Variants in POT1 observed in about 807,000 individuals in gnomAD.
POT1 encodes the protein protection of telomeres 1.
In POT1, 47 loss-of-function variants were observed where a neutral mutation model predicts 78.5. The ratio of observed to expected loss-of-function variants is 0.60; its 90% confidence interval spans 0.47 to 0.76. The LOEUF (loss-of-function observed/expected upper bound fraction) is 0.76, where lower values mean the gene tolerates loss of function less well. Among genes scored for constraint, POT1 ranks in the 30% least tolerant of loss-of-function variants. POT1 has a pLI of 0.00. For missense variants in POT1, 646 were observed against 749.9 expected (o/e 0.86, Z 1.62); for synonymous variants, 259 against 260.7 (o/e 0.99, Z 0.06).
chr7:124,920,675 TA>T (rs753337806), intron 2 of POT1, among the ~76,000 whole-genome samples: 5 of 136,978 alleles, frequency 3.7e-5, no homozygotes, highest in South Asian at 2.4e-4. Context: ...TCTTTTTTTT[TA>T]AAAAAGTGAG....
chr7:124,915,454 G>A (rs1796993780), intron 3 of POT1, 120 bp downstream of exon 3: 1 of 152,042 alleles, frequency 6.6e-6, no homozygotes, highest in South Asian at 2.1e-4. Context: ...CTACTGCAAT[G>A]GTCTAGATAT....
chr7:124,897,647 A>C (rs780315990), intron 4 of POT1, among the ~76,000 whole-genome samples: 1 of 151,792 alleles, frequency 6.6e-6, no homozygotes, highest in Non-Finnish European at 1.5e-5. Context: ...TTCAGTGATC[A>C]CTCTAACTGC....
In POT1 at chr7:124,880,138, G is replaced by C. The variant is rs12540017; in HGVS notation, c.125-9097C>G. Among the ~76,000 whole-genome samples, 1,188 of 152,074 alleles carry C rather than the reference G, an allele frequency of 7.8e-3. 23 individuals are homozygous for C. The highest frequency in any genetic ancestry group is 0.027 in the African/African-American group (1,114 of 41,526). On this transcript the variant is annotated intron_variant, in intron 6 of 18. Transcript: ENST00000357628. ...TGACATAATTAAGCAATTTCACAGT[G>C]AAACAAATGATTGGTTTGCCAATAA...
chr7:124,871,449 C>T (rs1795865675), intron 6 of POT1, among the ~76,000 whole-genome samples: 2 of 151,916 alleles, frequency 1.3e-5, no homozygotes, highest in Non-Finnish European at 2.9e-5. Context: ...GAGTTGCATC[C>T]ATACTGCATA....
chr7:124,906,011 G>A (rs1323751376), intron 3 of POT1, among the ~76,000 whole-genome samples: 1 of 152,160 alleles, frequency 6.6e-6, no homozygotes, highest in East Asian at 1.9e-4. Flanking sequence ...AGGATGTGGA[G>A]AAATAGGAAC....
At chr7:124,869,490 C>T (rs1344916847) in intron 7 of POT1, among the ~76,000 whole-genome samples, 1 of 150,716 alleles carries the variant, frequency 6.6e-6, no homozygotes, top group Admixed American at 6.6e-5. Flanking sequence ...TGTTTGAATA[C>T]AGTATACAGG....
At position 124,851,918 on chromosome 7, in the gene POT1, C is replaced by T. The variant is rs116916706; in HGVS notation, c.903G>A (p.Gln301=). ...CTGATTGACAGATAACATCTGAATG[C>T]TGATTGGCTGTCAAATTTGCAGATT... ...DLESANLTAN[Q]HSDVICQSEP... Residue 301 remains glutamine (Q), a synonymous_variant, in exon 11 of 19, where the codon CAG becomes CAA. Transcript: ENST00000357628. The T allele has an allele frequency of 6.2e-7, 1 of 1,611,408 alleles. No individual in the cohort carries two copies. The highest frequency in any genetic ancestry group is 1.7e-5 in the Admixed American group (1 of 59,968).
chr7:124,827,185 A>G, intron 17 of POT1, 29 bp downstream of exon 17: 1 of 1,268,876 alleles, frequency 7.9e-7, no homozygotes, highest in Non-Finnish European at 1.1e-6. Flanking sequence ...TTTTTAATTA[A>G]AAATATCTTT....
intron 6 of POT1, among the ~76,000 whole-genome samples, chr7:124,883,731 G>A (rs1186710207): frequency 6.6e-6 from 1 of 151,690 alleles, no homozygotes; most frequent in African/African-American, 2.4e-5. Context: ...ATTTTTCTAG[G>A]ATAGGTTCTA....
chr7:124,905,520 T>TA lies in POT1; in HGVS notation c.-153-7147dup, dbSNP rs564690168. On this transcript the variant is annotated intron_variant, in intron 3 of 18. Coordinates refer to ENST00000357628, the MANE Select transcript of POT1 (RefSeq NM_015450.3). ...GACTTAAACGTTAGACCTAAAACCA[T>TA]AAAAAAAAAACCCTAGAAGAAAACC... Among the ~76,000 whole-genome samples, 708 of 143,634 alleles carry TA rather than the reference T, an allele frequency of 4.9e-3. 4 individuals are homozygous for TA. Among genetic ancestry groups the TA allele is most frequent in the Non-Finnish European group, 6.4e-3 (419 of 65,180 alleles). The allele number at this position is 143,634 out of a possible 152,430, so 94.2% of individuals were successfully genotyped here.
chr7:124,860,099 T>C (rs897814797), intron 8 of POT1, among the ~76,000 whole-genome samples: 22 of 151,806 alleles, frequency 1.4e-4, no homozygotes, highest in Admixed American at 9.2e-4. Context: ...TTAAAAAATA[T>C]AATTTAAAAA....
At chr7:124,838,897 G>A (rs899307808) in intron 14 of POT1, among the ~76,000 whole-genome samples, 2 of 152,054 alleles carry the variant, frequency 1.3e-5, no homozygotes, top group South Asian at 2.1e-4. Context: ...GAGCCACTGC[G>A]CCCAGCTGGC....
At chr7:124,923,999 A>T (rs1012017193) in intron 2 of POT1, among the ~76,000 whole-genome samples, 1 of 151,672 alleles carries the variant, frequency 6.6e-6, no homozygotes, top group Non-Finnish European at 1.5e-5. Flanking sequence ...TAAGCAAACA[A>T]CGCGGGACTC....
At chr7:124,896,691 A>G (rs1240902486) in intron 5 of POT1, among the ~76,000 whole-genome samples, 2 of 151,784 alleles carry the variant, frequency 1.3e-5, no homozygotes, top group Non-Finnish European at 3.0e-5. Flanking sequence ...AGCTATAGCT[A>G]TATCTATGCT....
chr7:124,843,108 T>C, intron 12 of POT1, 145 bp from the exon 13 acceptor site: 1 of 569,006 alleles, frequency 1.8e-6, no homozygotes, highest in Non-Finnish European at 2.8e-6. Context: ...ATGTCTTTAT[T>C]CCCTGATGTA....
intron 17 of POT1, among the ~76,000 whole-genome samples, chr7:124,825,564 C>T (rs574878749): frequency 4.3e-4 from 65 of 151,836 alleles, no homozygotes; most frequent in Admixed American, 1.1e-3. Context: ...TTGAGATACA[C>T]GTAATCAAGT....
Position 124,823,919 on chromosome 7 carries a change from G to T in POT1, c.*43C>A. 1 of 1,265,968 alleles carries T rather than the reference G, an allele frequency of 7.9e-7. No homozygotes were observed. Among genetic ancestry groups the T allele is most frequent in the Non-Finnish European group, 1.1e-6 (1 of 872,418 alleles). 78.4% of individuals were successfully genotyped at this position (1,265,968 alleles called of 1,614,324 possible). On this transcript the variant is annotated 3_prime_UTR_variant, in exon 19 of 19. Coordinates refer to ENST00000357628, the MANE Select transcript of POT1 (RefSeq NM_015450.3). ...CAGGAAAAGAAGCTCAAACAGGGAA[G>T]GTGAGTGGCAACATTTTATGTATGC...
intron 3 of POT1, among the ~76,000 whole-genome samples, chr7:124,912,249 GA>G (rs1033683483): frequency 0.012 from 1,699 of 142,698 alleles, 27 homozygotes; most frequent in African/African-American, 0.04. Context: ...AAAATTGGGG[GA>G]AAAAAAAAAA....
At chr7:124,875,763 G>A (rs1795976829) in intron 6 of POT1, among the ~76,000 whole-genome samples, 1 of 152,156 alleles carries the variant, frequency 6.6e-6, no homozygotes, top group Admixed American at 6.5e-5. Context: ...TCTGAAAACA[G>A]AGAGGAAATA....
Sources: allele counts gnomAD v4.1 joint callset (sites outside exome capture counted in the v4.1 genomes callset), GRCh38; gene constraint gnomAD v4.1.1; transcripts MANE v1.5; gene names NCBI Gene and HGNC (gene_info 2026-07-23, HGNC 2026-07-21).